EIPR1: variants seen among roughly 807,000 people sequenced by gnomAD.
EIPR1 encodes the protein EARP and GARP complex-interacting protein 1.
In EIPR1, 25 loss-of-function variants were observed where a neutral mutation model predicts 48.1. The ratio of observed to expected loss-of-function variants is 0.52; its 90% CI spans 0.38 to 0.73. The LOEUF is 0.73. Ranked by LOEUF, EIPR1 falls within the 30% of genes least tolerant of loss-of-function variation. EIPR1 has a pLI of 0.00. For missense variants in EIPR1, 415 were observed against 506.2 expected (o/e 0.82, Z 1.73); for synonymous variants, 204 against 201.9 (o/e 1.01, Z -0.09).
At chr2:3,196,643 A>G (rs1664815819) in intron 6 of EIPR1, among the ~76,000 whole-genome samples, 1 of 152,094 alleles carries the variant, frequency 6.6e-6, no homozygotes, top group Non-Finnish European at 1.5e-5. Flanking sequence ...TAATGCAGAG[A>G]TATCAATATG....
At chr2:3,284,875 C>A (rs1031664852) in intron 3 of EIPR1, among the ~76,000 whole-genome samples, 1 of 151,996 alleles carries the variant, frequency 6.6e-6, no homozygotes, top group Non-Finnish European at 1.5e-5. Flanking sequence ...GCAGAGGCCC[C>A]GGGGTAGATC....
rs555483066 is a variant in EIPR1 at position 3,233,574 on chromosome 2, G to A, written c.417-19326C>T. On this transcript the variant is annotated intron_variant, in intron 4 of 8. Coordinates refer to ENST00000382125, the MANE Select transcript of EIPR1 (RefSeq NM_003310.5). ...ATGACCGTGCTGATCCCTTCCCCAA[G>A]CCAACCTCACAGGGTATGTCTTCGC... is the stretch of plus-strand genomic sequence containing the variant. Among the ~76,000 whole-genome samples the A allele has an allele frequency of 7.9e-5, 12 of 152,270 alleles. No homozygotes were observed. In the East Asian group the frequency reaches 2.1e-3, roughly 27 times the overall value.
At chr2:3,263,394 A>G (rs6752993) in intron 3 of EIPR1, among the ~76,000 whole-genome samples, 147,194 of 152,300 alleles carry the variant, frequency 0.97, 71,316 homozygotes, top group East Asian at 1. Context: ...AACAGGAAGA[A>G]GTTCATCCGA....
At chr2:3,227,270 T>C (rs562579093) in intron 4 of EIPR1, among the ~76,000 whole-genome samples, 1 of 152,218 alleles carries the variant, frequency 6.6e-6, no homozygotes, top group African/African-American at 2.4e-5. Context: ...GTTGAATGTC[T>C]TTGACCAAAA....
At chr2:3,245,989 G>T (rs1221404055) in intron 4 of EIPR1, among the ~76,000 whole-genome samples, 1 of 152,172 alleles carries the variant, frequency 6.6e-6, no homozygotes, top group Non-Finnish European at 1.5e-5. Context: ...TTTGCAGGAG[G>T]TTGAGATGGG....
chr2:3,292,608 C>T (rs1448094396), intron 3 of EIPR1, among the ~76,000 whole-genome samples: 1 of 152,210 alleles, frequency 6.6e-6, no homozygotes, highest in East Asian at 1.9e-4. Flanking sequence ...CAAGGCCATA[C>T]AGCCTCCGTG....
intron 4 of EIPR1, among the ~76,000 whole-genome samples, chr2:3,236,249 C>T (rs532023169): frequency 7.9e-5 from 12 of 152,174 alleles, no homozygotes; most frequent in South Asian, 2.1e-4. Flanking sequence ...GCATGAACTG[C>T]GCAGGAAAAC....
At chr2:3,204,331 G>A (rs1183407012) in intron 5 of EIPR1, among the ~76,000 whole-genome samples, 2 of 152,224 alleles carry the variant, frequency 1.3e-5, no homozygotes, top group East Asian at 1.9e-4. Context: ...ACACTCACAG[G>A]TGCAGAGAAG....
At chr2:3,355,841 TG>T (rs1670711370) in intron 1 of EIPR1, among the ~76,000 whole-genome samples, 2 of 145,944 alleles carry the variant, frequency 1.4e-5, no homozygotes. Flanking sequence ...TAAAATAAAA[TG>T]AATAAATAAT....
intron 4 of EIPR1, among the ~76,000 whole-genome samples, chr2:3,246,310 TC>T (rs1005053970): frequency 6.6e-6 from 1 of 152,188 alleles, no homozygotes; most frequent in Non-Finnish European, 1.5e-5. Context: ...CACTGTTCTG[TC>T]ATACTAAACT....
chr2:3,298,729 T>C (rs1305114951), intron 3 of EIPR1, among the ~76,000 whole-genome samples: 1 of 151,948 alleles, frequency 6.6e-6, no homozygotes, highest in Non-Finnish European at 1.5e-5. Context: ...GGGGCCGTGT[T>C]CTCTAAGGTG....
intron 4 of EIPR1, among the ~76,000 whole-genome samples, chr2:3,221,927 G>A (rs542153092): frequency 1.4e-3 from 213 of 152,262 alleles, no homozygotes; most frequent in Middle Eastern, 6.8e-3. Flanking sequence ...TCCATTTCAC[G>A]TCCTAAGGAG....
chr2:3,351,300 CTCT>C (rs1670572765), intron 2 of EIPR1, among the ~76,000 whole-genome samples: 1 of 152,180 alleles, frequency 6.6e-6, no homozygotes, highest in Non-Finnish European at 1.5e-5. Context: ...CACACCTGGC[CTCT>C]TCTTATTTCT....
intron 1 of EIPR1, among the ~76,000 whole-genome samples, chr2:3,360,005 T>C (rs1670815192): frequency 6.6e-6 from 1 of 152,100 alleles, no homozygotes; most frequent in Admixed American, 6.5e-5. Context: ...TCTCTCATGG[T>C]AAAGTAGGGT....
At chr2:3,190,657 G>A (rs571129768) in intron 8 of EIPR1, among the ~76,000 whole-genome samples, 1 of 152,248 alleles carries the variant, frequency 6.6e-6, no homozygotes, top group African/African-American at 2.4e-5. Flanking sequence ...CCCCTAACAG[G>A]GACAGACATG....
At chr2:3,207,759 A>T (rs773437379) in intron 5 of EIPR1, 13 of 152,260 alleles carry the variant, frequency 8.5e-5, no homozygotes, top group Admixed American at 3.3e-4. Flanking sequence ...AGATACCAGC[A>T]CCTAGCCACT....
chr2:3,210,259 A>G (rs1665397866), intron 5 of EIPR1, among the ~76,000 whole-genome samples: 1 of 152,222 alleles, frequency 6.6e-6, no homozygotes, highest in Non-Finnish European at 1.5e-5. Context: ...AATAGGAAAG[A>G]GCATTGCCAG....
At chr2:3,248,553 C>T (rs1320838045) in intron 4 of EIPR1, among the ~76,000 whole-genome samples, 1 of 151,684 alleles carries the variant, frequency 6.6e-6, no homozygotes, top group Non-Finnish European at 1.5e-5. Context: ...GAGACTGCAC[C>T]ACTGCACTCC....
chr2:3,344,405 CT>C (rs1447182166), intron 2 of EIPR1, among the ~76,000 whole-genome samples: 3 of 152,232 alleles, frequency 2.0e-5, no homozygotes, highest in African/African-American at 4.8e-5. Context: ...ACAGTTTCTA[CT>C]CTAGTCGGCT....
Sources: allele counts gnomAD v4.1 joint callset (sites outside exome capture counted in the v4.1 genomes callset), GRCh38; gene constraint gnomAD v4.1.1; transcripts MANE v1.5; gene names NCBI Gene and HGNC (gene_info 2026-07-23, HGNC 2026-07-21).